Variants in SLC35D4 observed in about 807,000 individuals in gnomAD.
SLC35D4 encodes UDP-N-acetylglucosamine transporter SLC35D4.
At chr18:23,257,905 T>A in the SLC35D4 span, 1 of 152,426 alleles carries the variant, frequency 6.6e-6, no homozygotes, top group Middle Eastern at 3.2e-3. Context: ...AGATACTGCA[T>A]CAGCCCTAGA....
At chr18:23,273,312 AGAAG>A in the SLC35D4 span, among the ~76,000 whole-genome samples, 1 of 152,188 alleles carries the variant, frequency 6.6e-6, no homozygotes, top group Non-Finnish European at 1.5e-5. Context: ...GACTGCAAAA[AGAAG>A]GAAGGAGAAG....
the SLC35D4 span, among the ~76,000 whole-genome samples, chr18:23,320,078 CA>C: frequency 2.2e-5 from 3 of 137,680 alleles, no homozygotes; most frequent in Non-Finnish European, 4.8e-5. Context: ...CCAGCAAAAG[CA>C]TCCCTTCAAA....
At chr18:23,433,344 T>C in the SLC35D4 span, among the ~76,000 whole-genome samples, 2 of 152,232 alleles carry the variant, frequency 1.3e-5, no homozygotes, top group Admixed American at 1.3e-4. Context: ...TTTCAGTGAA[T>C]TGTCTACTTC....
chr18:23,359,856 CA>C, the SLC35D4 span, among the ~76,000 whole-genome samples: 1 of 152,242 alleles, frequency 6.6e-6, no homozygotes, highest in Non-Finnish European at 1.5e-5. Flanking sequence ...AACTCTTTAA[CA>C]GGGGAAATTT....
At chr18:23,392,934 G>A in the SLC35D4 span, among the ~76,000 whole-genome samples, 1 of 151,882 alleles carries the variant, frequency 6.6e-6, no homozygotes, top group African/African-American at 2.4e-5. Context: ...TTATTTTTTT[G>A]AGGCGGAGTC....
the SLC35D4 span, among the ~76,000 whole-genome samples, chr18:23,378,709 A>G: frequency 2.7e-3 from 413 of 152,342 alleles, no homozygotes; most frequent in African/African-American, 8.8e-3. Context: ...GAACAGGTAC[A>G]ATTAAACTTT....
chr18:23,285,895 CCT>C, the SLC35D4 span, among the ~76,000 whole-genome samples: 2 of 151,854 alleles, frequency 1.3e-5, no homozygotes, highest in African/African-American at 4.8e-5. Context: ...GGTTAATGCT[CCT>C]TTTTCTTTAT....
the SLC35D4 span, among the ~76,000 whole-genome samples, chr18:23,328,362 G>A: frequency 6.6e-6 from 1 of 152,178 alleles, no homozygotes; most frequent in Non-Finnish European, 1.5e-5. Context: ...AAAGTCTCAG[G>A]ATACAAAATC....
the SLC35D4 span, chr18:23,352,166 A>C: frequency 6.3e-7 from 1 of 1,575,538 alleles, no homozygotes; most frequent in Admixed American, 1.9e-5. Flanking sequence ...GGCTCTTGAG[A>C]GAGAATTTCC....
chr18:23,253,082 C>T, the SLC35D4 span: 1 of 1,479,432 alleles, frequency 6.8e-7, no homozygotes, highest in Non-Finnish European at 9.5e-7. Flanking sequence ...GGAGGCTGGA[C>T]TTGCCTGTGA....
At chr18:23,274,937 GTGTT>G in the SLC35D4 span, among the ~76,000 whole-genome samples, 10 of 152,282 alleles carry the variant, frequency 6.6e-5, no homozygotes, top group East Asian at 5.8e-4. Context: ...GTGCTTGTGT[GTGTT>G]TGTGAGTGTA....
chr18:23,411,183 G>A, the SLC35D4 span, among the ~76,000 whole-genome samples: 1 of 144,894 alleles, frequency 6.9e-6, no homozygotes, highest in African/African-American at 2.6e-5. Context: ...AGGGAAGGAA[G>A]GAAGGAGAGA....
At chr18:23,341,104 T>A in the SLC35D4 span, among the ~76,000 whole-genome samples, 3 of 152,364 alleles carry the variant, frequency 2.0e-5, no homozygotes, top group East Asian at 5.8e-4. Flanking sequence ...GTGCTTTACA[T>A]CATATGTGAG....
chr18:23,311,985 G>C, the SLC35D4 span, among the ~76,000 whole-genome samples: 4 of 152,206 alleles, frequency 2.6e-5, no homozygotes, highest in African/African-American at 9.7e-5. Flanking sequence ...GATGTTGGCT[G>C]TGCTGGCAGC....
the SLC35D4 span, among the ~76,000 whole-genome samples, chr18:23,427,513 G>A: frequency 6.6e-6 from 1 of 151,890 alleles, no homozygotes; most frequent in Non-Finnish European, 1.5e-5. Context: ...AAAAAGTCAG[G>A]AAACAACAGG....
the SLC35D4 span, among the ~76,000 whole-genome samples, chr18:23,338,300 C>G: frequency 2.6e-5 from 4 of 152,160 alleles, no homozygotes; most frequent in African/African-American, 7.2e-5. Context: ...CTAGAATAGA[C>G]AGTCCACAAC....
the SLC35D4 span, among the ~76,000 whole-genome samples, chr18:23,343,614 G>C: frequency 1.1e-4 from 16 of 152,024 alleles, no homozygotes; most frequent in Non-Finnish European, 1.5e-5. Flanking sequence ...TTGTTATATA[G>C]GTAAATTGCA....
chr18:23,314,985 G>C, the SLC35D4 span, among the ~76,000 whole-genome samples: 1 of 152,224 alleles, frequency 6.6e-6, no homozygotes, highest in Admixed American at 6.5e-5. Flanking sequence ...TTTCAATCCT[G>C]AGACAAATTT....
At chr18:23,378,741 G>A in the SLC35D4 span, among the ~76,000 whole-genome samples, 742 of 152,334 alleles carry the variant, frequency 4.9e-3, 7 homozygotes, top group African/African-American at 0.017. Context: ...AAACATTTCA[G>A]AAGGATTATT....
Sources: allele counts gnomAD v4.1 joint callset (sites outside exome capture counted in the v4.1 genomes callset), GRCh38; gene constraint gnomAD v4.1.1; transcripts MANE v1.5; gene names NCBI Gene and HGNC (gene_info 2026-07-23, HGNC 2026-07-21).